The following IL16 variants were observed in gnomAD, a reference collection of about 807,000 sequenced individuals.
IL16 encodes pro-interleukin-16.
A neutral mutation model predicts 110.1 loss-of-function variants in IL16; 67 were observed. The ratio of observed to expected loss-of-function variants is 0.61; its 90% CI spans 0.50 to 0.75. IL16 has a LOEUF of 0.75. Ranked by LOEUF, IL16 falls within the 30% of genes least tolerant of loss-of-function variation. The probability of loss-of-function intolerance (pLI) is 0.00; values close to 1 mark genes in which losing one functional copy is unlikely to be tolerated. For missense variants in IL16, 1,545 were observed against 1,655.0 expected, an observed-to-expected ratio of 0.93 and a Z score of 1.15; for synonymous variants, 689 against 662.9, an observed-to-expected ratio of 1.04 and a Z score of -0.61.
At chr15:81,200,253 G>T (rs556232034) in intron 1 of IL16, among the ~76,000 whole-genome samples, 5 of 151,610 alleles carry the variant, frequency 3.3e-5, no homozygotes, top group African/African-American at 9.7e-5. Flanking sequence ...ATTTATTTAT[G>T]TATACATATA....
intron 1 of IL16, among the ~76,000 whole-genome samples, chr15:81,187,900 A>G (rs1230647207): frequency 1.3e-5 from 2 of 152,122 alleles, no homozygotes; most frequent in Non-Finnish European, 2.9e-5. Flanking sequence ...AGGTACGGAG[A>G]GTGGTCCTGG....
chr15:81,269,215 G>A (rs1426757458), intron 4 of IL16, among the ~76,000 whole-genome samples: 1 of 152,252 alleles, frequency 6.6e-6, no homozygotes, highest in Non-Finnish European at 1.5e-5. Flanking sequence ...TTCTGCCTGA[G>A]ACCTGGCTTA....
rs1293892433 is a variant in IL16 at position 81,215,842 on chromosome 15, T to G, written c.-101-9457T>G. On this transcript the variant is annotated intron_variant, in intron 1 of 18. Transcript: ENST00000683961. ...TTCCTGAGCTGCTGTACTGTGGCCCTGGGGCACCAGAACATCCCATGGCTC... is the reference window on the plus strand; with the variant it reads ...TTCCTGAGCTGCTGTACTGTGGCCCGGGGGCACCAGAACATCCCATGGCTC... Among the ~76,000 whole-genome samples, 3 of 152,304 alleles carry G rather than the reference T, an allele frequency of 2.0e-5. No individual in the cohort carries two copies. The East Asian group carries it at 5.8e-4, about 29-fold the overall frequency.
chr15:81,219,560 G>A (rs1896547060), intron 1 of IL16, among the ~76,000 whole-genome samples: 1 of 152,114 alleles, frequency 6.6e-6, no homozygotes, highest in Non-Finnish European at 1.5e-5. Flanking sequence ...TCATGCCTGT[G>A]CACTGATGGT....
rs117196289 is a variant in IL16 at position 81,205,842 on chromosome 15, T to G, written c.-102+8690T>G. On this transcript the variant is annotated intron_variant, in intron 1 of 18. Coordinates refer to ENST00000683961, the MANE Select transcript of IL16 (RefSeq NM_172217.5). ...TAGGAAAATACTGTGCAAATGCAAA[T>G]TAAAAGAAAGTGAGGTGTCAGTGTT... Among the ~76,000 whole-genome samples, 1,491 of 152,140 alleles carry G rather than the reference T, an allele frequency of 9.8e-3. 12 individuals carry two copies. The highest frequency in any genetic ancestry group is 0.015 in the Non-Finnish European group (1,022 of 67,988).
In IL16 at chr15:81,212,154, C is replaced by T. The variant is rs1013556289; in HGVS notation, c.-101-13145C>T. 7.9e-5 allele frequency among the ~76,000 whole-genome samples: 12 copies of T among 151,316 alleles called. No individual in the cohort carries two copies. The East Asian group carries it at 2.3e-3, about 29-fold the overall frequency. On this transcript the variant is annotated intron_variant, in intron 1 of 18. Coordinates refer to ENST00000683961, the MANE Select transcript of IL16 (RefSeq NM_172217.5). Reference sequence around the variant, plus strand: ...GCTTTTTTTTTTGGTTGACAGGTTTCTTATTACTGATTCAATTTCAGTGCT... The same window carrying T: ...GCTTTTTTTTTTGGTTGACAGGTTTTTTATTACTGATTCAATTTCAGTGCT...
intron 16 of IL16, among the ~76,000 whole-genome samples, chr15:81,304,031 G>T (rs1900426572): frequency 6.6e-6 from 1 of 152,192 alleles, no homozygotes; most frequent in South Asian, 2.1e-4. Context: ...TTGTCTCAGG[G>T]TATCCTTTGT....
In IL16 at chr15:81,280,348, G is replaced by A. The variant is rs112007139; in HGVS notation, c.1081+574G>A. Among the ~76,000 whole-genome samples the A allele has an allele frequency of 6.4e-3, 970 of 152,356 alleles. 6 individuals are homozygous for A. The highest frequency in any genetic ancestry group is 0.015 in the Admixed American group (236 of 15,312). On this transcript the variant is annotated intron_variant, in intron 8 of 18. Coordinates refer to ENST00000683961, the MANE Select transcript of IL16 (RefSeq NM_172217.5). Reference sequence around the variant, plus strand: ...CATGTGTTCTAGGAGCAGAATGAAGGCCAGCATGGCTGGAGCTAGGTGGGC... The same window carrying A: ...CATGTGTTCTAGGAGCAGAATGAAGACCAGCATGGCTGGAGCTAGGTGGGC...
At chr15:81,236,668 G>C (rs1897184770) in intron 2 of IL16, among the ~76,000 whole-genome samples, 1 of 152,116 alleles carries the variant, frequency 6.6e-6, no homozygotes, top group Non-Finnish European at 1.5e-5. Flanking sequence ...AAGAAGAGGA[G>C]AATAAGGCCG....
chr15:81,301,448 T>G lies in IL16; in HGVS notation c.3254T>G (p.Leu1085Arg), dbSNP rs1420747684. ...LQSGQSVISLLSSEELKKLIE... is the reference protein window; with the variant it reads ...LQSGQSVISLRSSEELKKLIE... ...TCTGGTCAGTCCGTTATCTCCCTGC[T>G]GAGCTCAGAAGAATTAAAAAAACTC... The change falls in exon 15 of 19, where the codon CTG becomes CGG. Residue 1085 changes from leucine to arginine, a missense_variant. By Grantham distance (102) the Leu-to-Arg change is moderately radical. Transcript: ENST00000683961. 6 of 1,614,180 alleles carry G rather than the reference T, an allele frequency of 3.7e-6. No individual in the cohort carries two copies.
intron 4 of IL16, among the ~76,000 whole-genome samples, chr15:81,268,688 T>C (rs1346650491): frequency 6.6e-6 from 1 of 152,284 alleles, no homozygotes; most frequent in Non-Finnish European, 1.5e-5. Flanking sequence ...CCCCAGACTC[T>C]TTCCAAATAT....
chr15:81,182,871 G>A lies in IL16; in HGVS notation c.15G>A (p.Lys5=), dbSNP rs911551822. Residue 5 remains lysine, a synonymous_variant, in exon 1 of 19, where the codon AAG becomes AAA. Transcript: ENST00000302987. ...AACCCTGTGCAATGAGTTTGCAGAAGAGAGTCTTCCCGAGAAGGCAGAACG... is the reference window on the plus strand; with the variant it reads ...AACCCTGTGCAATGAGTTTGCAGAAAAGAGTCTTCCCGAGAAGGCAGAACG... The A allele has an allele frequency of 5.4e-6, 7 of 1,289,448 alleles. No homozygotes were observed. The East Asian group carries it at 3.9e-4, about 72-fold the overall frequency. The allele number at this position is 1,289,448 out of a possible 1,614,324, so 79.9% of individuals were successfully genotyped here.
chr15:81,221,959 A>G lies in IL16; in HGVS notation c.-101-3340A>G, dbSNP rs142940605. Among the ~76,000 whole-genome samples, 336 of 152,330 alleles carry G rather than the reference A, an allele frequency of 2.2e-3. 1 individual carries two copies. The highest frequency in any genetic ancestry group is 3.5e-3 in the Non-Finnish European group (238 of 68,030). ...ATCCCTCTGTTCTCTTAAATGCTAC[A>G]TGCAGCCAACTATTCCACCACTGAG... is the stretch of plus-strand genomic sequence containing the variant. On this transcript the variant is annotated intron_variant, in intron 1 of 18. Transcript: ENST00000683961.
chr15:81,296,817 C>T, intron 12 of IL16, 111 bp from the exon 13 acceptor site: 1 of 959,038 alleles, frequency 1.0e-6, no homozygotes, highest in Non-Finnish European at 1.6e-6. Flanking sequence ...ATGAACTTCT[C>T]ACTGAAAGCA....
intron 7 of IL16, among the ~76,000 whole-genome samples, chr15:81,279,258 A>T (rs922714342): frequency 6.6e-6 from 1 of 152,060 alleles, no homozygotes; most frequent in Non-Finnish European, 1.5e-5. Flanking sequence ...ATTATCAATC[A>T]ATCTATCTAT....
intron 6 of IL16, among the ~76,000 whole-genome samples, chr15:81,274,817 T>G (rs1047377718): frequency 3.3e-5 from 5 of 152,256 alleles, no homozygotes; most frequent in Non-Finnish European, 5.9e-5. Flanking sequence ...ACCCGAGCAC[T>G]ATGCAGAATT....
rs771518681 is a variant in IL16 at position 81,313,736 on chromosome 15, C to A, written c.*4938C>A. The A allele has an allele frequency of 2.8e-5, 5 of 177,492 alleles. No individual in the cohort carries two copies. In the South Asian group the frequency reaches 9.8e-4, roughly 35 times the overall value. 11.0% of individuals were successfully genotyped at this position (177,492 alleles called of 1,614,324 possible). A position where few individuals can be genotyped will look rare whatever the true frequency, so the allele number is the denominator to read the frequency against. On this transcript the variant is annotated 3_prime_UTR_variant, in exon 19 of 19. Transcript: ENST00000683961. Reference sequence around the variant, plus strand: ...ACTTTGTGCCAGGCCCTGAGAGGAACGAAGAGATGCTGCCCTTCACTATTT... The same window carrying A: ...ACTTTGTGCCAGGCCCTGAGAGGAAAGAAGAGATGCTGCCCTTCACTATTT...
At chr15:81,210,961 A>G (rs893498421) in intron 1 of IL16, among the ~76,000 whole-genome samples, 1 of 152,230 alleles carries the variant, frequency 6.6e-6, no homozygotes, top group East Asian at 1.9e-4. Context: ...CCCATTCAGT[A>G]TGATGTTGGC....
chr15:81,279,841 C>G, intron 8 of IL16, 67 bp downstream of exon 8: 2 of 1,387,980 alleles, frequency 1.4e-6, no homozygotes, highest in Non-Finnish European at 2.0e-6. Flanking sequence ...CCAGGCTTTC[C>G]TCACTTGGAA....
Sources: gnomAD v4.1 joint callset for allele counts (sites outside exome capture counted in the v4.1 genomes callset) on GRCh38, gnomAD v4.1.1 for gene constraint, MANE v1.5 for transcripts, NCBI Gene and HGNC (gene_info 2026-07-23, HGNC 2026-07-21) for gene names.